The following KIAA0930 variants were observed in gnomAD, a reference collection of about 807,000 sequenced individuals.
KIAA0930 encodes uncharacterized protein KIAA0930.
Under a neutral mutation model 43.9 loss-of-function variants are expected in KIAA0930, and 24 were observed. That is an observed-to-expected ratio of 0.55 (90% CI 0.40 to 0.77). The LOEUF (loss-of-function observed/expected upper bound fraction) is 0.77, where lower values mean the gene tolerates loss of function less well. KIAA0930 is among the 30% of genes least tolerant of loss of function. KIAA0930 has a pLI of 0.00. For synonymous variants in KIAA0930, 259 were observed against 216.4 expected, an observed-to-expected ratio of 1.20 and a Z score of -1.73; for missense variants, 461 against 574.2, an observed-to-expected ratio of 0.80 and a Z score of 2.02.
chr22:45,211,862 G>C, intron 2 of KIAA0930, 94 bp downstream of exon 2: 1 of 1,246,808 alleles, frequency 8.0e-7, no homozygotes, highest in Non-Finnish European at 1.1e-6. Flanking sequence ...TGATATGCAT[G>C]AGCACTGTAG....
At chr22:45,219,160 A>C (rs986692582) in intron 1 of KIAA0930, among the ~76,000 whole-genome samples, 1 of 152,192 alleles carries the variant, frequency 6.6e-6, no homozygotes, top group Non-Finnish European at 1.5e-5. Flanking sequence ...TGCACTGCCC[A>C]CGTGGGTAAG....
intron 1 of KIAA0930, among the ~76,000 whole-genome samples, chr22:45,219,037 T>G (rs912591228): frequency 6.9e-6 from 1 of 145,392 alleles, no homozygotes; most frequent in Non-Finnish European, 1.5e-5. Context: ...AGATGCACAC[T>G]GAAAAGGGAA....
At chr22:45,198,612 G>A (rs1296307714) in intron 8 of KIAA0930, among the ~76,000 whole-genome samples, 1 of 152,226 alleles carries the variant, frequency 6.6e-6, no homozygotes, top group Non-Finnish European at 1.5e-5. Context: ...CCTGCTGGGG[G>A]AGGTGCTCAG....
intron 1 of KIAA0930, among the ~76,000 whole-genome samples, chr22:45,215,873 C>T (rs1245704555): frequency 2.0e-5 from 3 of 152,148 alleles, no homozygotes; most frequent in Non-Finnish European, 2.9e-5. Flanking sequence ...TCATAGGACT[C>T]ATTAAGAAAG....
At chr22:45,234,678 T>G (rs2083875861) in intron 1 of KIAA0930, among the ~76,000 whole-genome samples, 1 of 152,246 alleles carries the variant, frequency 6.6e-6, no homozygotes, top group Non-Finnish European at 1.5e-5. Flanking sequence ...AAAGCTTTGC[T>G]GCAAGTTATT....
chr22:45,220,858 C>T (rs552665477), intron 1 of KIAA0930, among the ~76,000 whole-genome samples: 43 of 152,260 alleles, frequency 2.8e-4, no homozygotes, highest in African/African-American at 9.1e-4. Context: ...TGGGATTACA[C>T]GTGTGAGCCA....
At chr22:45,206,551 A>T (rs142289386) in intron 2 of KIAA0930, among the ~76,000 whole-genome samples, 1 of 152,350 alleles carries the variant, frequency 6.6e-6, no homozygotes, top group East Asian at 1.9e-4. Context: ...CATTTTACAA[A>T]TTATTAATCC....
chr22:45,201,979 T>C (rs144345392), intron 7 of KIAA0930, among the ~76,000 whole-genome samples: 35 of 152,370 alleles, frequency 2.3e-4, no homozygotes, highest in African/African-American at 8.4e-4. Flanking sequence ...AGCCCCGGAT[T>C]CCTCAAAGCC....
At chr22:45,216,881 T>C (rs1319539919) in intron 1 of KIAA0930, among the ~76,000 whole-genome samples, 4 of 152,014 alleles carry the variant, frequency 2.6e-5, no homozygotes, top group East Asian at 1.9e-4. Context: ...TTCCCTCCCT[T>C]CCCTCCCGGG....
intron 1 of KIAA0930, among the ~76,000 whole-genome samples, chr22:45,220,402 C>G (rs965005846): frequency 1.3e-5 from 2 of 151,620 alleles, no homozygotes; most frequent in East Asian, 1.9e-4. Flanking sequence ...TTGCAGTGAT[C>G]GAGATCGGGC....
chr22:45,221,675 G>A (rs1442325655), intron 1 of KIAA0930, among the ~76,000 whole-genome samples: 1 of 152,218 alleles, frequency 6.6e-6, no homozygotes, highest in East Asian at 1.9e-4. Context: ...ACAGATCAAT[G>A]GAACAGAATA....
chr22:45,214,509 C>A (rs1273712186), intron 1 of KIAA0930, among the ~76,000 whole-genome samples: 1 of 152,196 alleles, frequency 6.6e-6, no homozygotes, highest in Non-Finnish European at 1.5e-5. Context: ...CACGATGTTT[C>A]GGAAAAGGCG....
Position 45,212,113 on chromosome 22 carries a change from G to A in KIAA0930, c.65-6C>T. 1 of 1,613,762 alleles carries A rather than the reference G, an allele frequency of 6.2e-7. No individual in the cohort carries two copies. Among genetic ancestry groups the A allele is most frequent in the Non-Finnish European group, 8.5e-7 (1 of 1,179,934 alleles). ...GCGGTCATCCTTGAAGCACCCTGCA[G>A]AGGGAGGCCAGACAGGAGTGAGGAA... is the stretch of plus-strand genomic sequence containing the variant. On this transcript the variant is annotated splice_region_variant and splice_polypyrimidine_tract_variant and intron_variant, in intron 1 of 9. Coordinates refer to ENST00000336156, the MANE Select transcript of KIAA0930 (RefSeq NM_001009880.2).
At chr22:45,219,034 C>T (rs2083751094) in intron 1 of KIAA0930, among the ~76,000 whole-genome samples, 1 of 146,788 alleles carries the variant, frequency 6.8e-6, no homozygotes, top group Non-Finnish European at 1.5e-5. Flanking sequence ...TTCAGATGCA[C>T]ACTGAAAAGG....
chr22:45,212,477 C>T (rs1246962334), intron 1 of KIAA0930: 19 of 1,443,138 alleles, frequency 1.3e-5, no homozygotes, highest in Non-Finnish European at 1.5e-5. Flanking sequence ...GAAGGCTTGG[C>T]TGGGGGGGAG....
At chr22:45,204,199 G>A (rs1023898217) in intron 5 of KIAA0930, among the ~76,000 whole-genome samples, 1 of 152,182 alleles carries the variant, frequency 6.6e-6, no homozygotes, top group African/African-American at 2.4e-5. Context: ...GGGAGGACAG[G>A]GACGCTTACG....
chr22:45,235,044 G>C (rs938628401), intron 1 of KIAA0930, among the ~76,000 whole-genome samples: 1 of 152,006 alleles, frequency 6.6e-6, no homozygotes, highest in Non-Finnish European at 1.5e-5. Context: ...ATCTGAGGAT[G>C]TTAACAAGTC....
At chr22:45,238,169 G>A (rs999676534) in intron 1 of KIAA0930, among the ~76,000 whole-genome samples, 11 of 151,356 alleles carry the variant, frequency 7.3e-5, no homozygotes, top group African/African-American at 1.9e-4. Context: ...CTCATGATCC[G>A]CCCGCCTCAG....
chr22:45,227,249 A>G (rs568939995), intron 1 of KIAA0930, among the ~76,000 whole-genome samples: 1 of 152,258 alleles, frequency 6.6e-6, no homozygotes, highest in African/African-American at 2.4e-5. Context: ...CTGCCTTCCC[A>G]GGGGTCTCAG....
Sources: allele counts gnomAD v4.1 joint callset (sites outside exome capture counted in the v4.1 genomes callset), GRCh38; gene constraint gnomAD v4.1.1; transcripts MANE v1.5; gene names NCBI Gene and HGNC (gene_info 2026-07-23, HGNC 2026-07-21).